The following EIF2AK3 variants were observed in gnomAD, a reference collection of about 807,000 sequenced individuals.
EIF2AK3 encodes the protein eukaryotic translation initiation factor 2-alpha kinase 3.
Under a neutral mutation model 113.5 loss-of-function variants are expected in EIF2AK3, and 50 were observed. The observed-to-expected ratio is 0.44, with a 90% CI of 0.35 to 0.56. EIF2AK3 has a LOEUF of 0.56. Among genes scored for constraint, EIF2AK3 ranks in the 20% least tolerant of loss-of-function variants. The pLI, the probability that EIF2AK3 is intolerant of heterozygous loss-of-function variation, is 0.00. For synonymous variants in EIF2AK3, 448 were observed against 495.4 expected (o/e 0.90, Z 1.27); for missense variants, 1,185 against 1,378.0 (o/e 0.86, Z 2.22).
intron 14 of EIF2AK3, among the ~76,000 whole-genome samples, chr2:88,566,525 T>G (rs1386577028): frequency 1.3e-5 from 2 of 152,188 alleles, no homozygotes; most frequent in Non-Finnish European, 2.9e-5. Context: ...AAACTCTTTT[T>G]TTTTTTAAGT....
chr2:88,627,244 C>G lies in EIF2AK3; in HGVS notation c.31G>C (p.Val11Leu), dbSNP rs1675893901. The G allele has an allele frequency of 2.0e-6, 3 of 1,482,782 alleles. No individual in the cohort carries two copies. The highest frequency in any genetic ancestry group is 2.7e-6 in the Non-Finnish European group (3 of 1,123,046). 91.9% of individuals were successfully genotyped at this position (1,482,782 alleles called of 1,614,324 possible). A position where few individuals can be genotyped will look rare whatever the true frequency, so the allele number is the denominator to read the frequency against. Residue 11 changes from valine to leucine, a missense_variant, in exon 1 of 17, where the codon GTA becomes CTA. By Grantham distance (32) the Val-to-Leu change is conservative. Coordinates refer to ENST00000303236, the MANE Select transcript of EIF2AK3 (RefSeq NM_004836.7). MERAISPGLL[V>L]RALLLLLLLL... Reference sequence around the variant, plus strand: ...AGCAGCAGCAGCAGCAGCGCCCGTACCAGCAGCCCCGGGCTGATGGCGCGC... The same window carrying G: ...AGCAGCAGCAGCAGCAGCGCCCGTAGCAGCAGCCCCGGGCTGATGGCGCGC...
chr2:88,570,442 T>C (rs1386523223), intron 14 of EIF2AK3, among the ~76,000 whole-genome samples: 1 of 152,234 alleles, frequency 6.6e-6, no homozygotes, highest in Non-Finnish European at 1.5e-5. Flanking sequence ...TGCCGGCCTG[T>C]GTGCCTCTAT....
At chr2:88,586,183 CTCT>C in intron 8 of EIF2AK3, 122 bp from the exon 9 acceptor site, 1 of 768,690 alleles carries the variant, frequency 1.3e-6, no homozygotes, top group South Asian at 1.7e-5. Context: ...AGTTTTGTCT[CTCT>C]TCTTTAACGT....
rs1266510901 is a variant in EIF2AK3 at position 88,583,323 on chromosome 2, G to A, written c.1763+107C>T. On this transcript the variant is annotated intron_variant, in intron 10 of 16. Coordinates refer to ENST00000303236, the MANE Select transcript of EIF2AK3 (RefSeq NM_004836.7). ...AATTTATTTATTTATTGAGGGTTAA[G>A]CCTATGTTTTATTTTTCTAGATATC... 3 of 794,780 alleles carry A rather than the reference G, an allele frequency of 3.8e-6. No individual in the cohort carries two copies. The East Asian group carries it at 7.4e-5, about 20-fold the overall frequency. 49.2% of individuals were successfully genotyped at this position (794,780 alleles called of 1,614,324 possible). A position where few individuals can be genotyped will look rare whatever the true frequency, so the allele number is the denominator to read the frequency against.
At chr2:88,589,573 T>G (rs1446415925) in intron 6 of EIF2AK3, among the ~76,000 whole-genome samples, 1 of 151,450 alleles carries the variant, frequency 6.6e-6, no homozygotes, top group South Asian at 2.1e-4. Flanking sequence ...TGGATGCAAA[T>G]ACAAATACAG....
Position 88,599,152 on chromosome 2 carries a change from C to A in EIF2AK3, c.439-3489G>T, listed in dbSNP as rs543487447. On this transcript the variant is annotated intron_variant, in intron 2 of 16. Coordinates refer to ENST00000303236, the MANE Select transcript of EIF2AK3 (RefSeq NM_004836.7). ...GGAGCTCTATAATCAAACTCAAGAC[C>A]ATACCATTAAATGAAGGTTTACCAT... 3.3e-5 allele frequency among the ~76,000 whole-genome samples: 5 copies of A among 152,070 alleles called. No individual in the cohort carries two copies. In the South Asian group the frequency reaches 1.0e-3, roughly 32 times the overall value.
intron 10 of EIF2AK3, chr2:88,579,856 TAA>T (rs1203893589): frequency 7.3e-5 from 35 of 476,904 alleles, no homozygotes; most frequent in Non-Finnish European, 1.5e-5. Context: ...AAATTAAAAA[TAA>T]AAAAGACATG....
intron 4 of EIF2AK3, among the ~76,000 whole-genome samples, chr2:88,591,417 C>CTAA (rs1339514964): frequency 6.6e-6 from 1 of 152,196 alleles, no homozygotes; most frequent in African/African-American, 2.4e-5. Flanking sequence ...TGCCTTACCT[C>CTAA]TTAATTAAAG....
rs893664549 is a variant in EIF2AK3, at chr2:88,627,341, A to G, written c.-67T>C. ...GACGCCTGCCTCTCCCGCCGCTTGG[A>G]GCTCCCAAGAAGGCAAGGACGTGCT... On this transcript the variant is annotated 5_prime_UTR_variant, in exon 1 of 17. Transcript: ENST00000303236. The G allele has an allele frequency of 9.2e-6, 13 of 1,416,732 alleles. No individual in the cohort carries two copies. The highest frequency in any genetic ancestry group is 1.5e-5 in the African/African-American group (1 of 66,946). The allele number at this position is 1,416,732 out of a possible 1,614,324, so 87.8% of individuals were successfully genotyped here.
chr2:88,567,127 A>G (rs747527911), intron 14 of EIF2AK3, among the ~76,000 whole-genome samples: 1 of 152,160 alleles, frequency 6.6e-6, no homozygotes, highest in African/African-American at 2.4e-5. Context: ...GAAAGTAAAT[A>G]TAATTATAAT....
rs761374228 is a variant in EIF2AK3, at chr2:88,579,603, G to A, written c.1801C>T (p.Arg601Cys). The A allele has an allele frequency of 3.1e-6, 5 of 1,613,490 alleles. No homozygotes were observed. Among genetic ancestry groups the A allele is most frequent in the Non-Finnish European group, 4.2e-6 (5 of 1,179,716 alleles). The change falls in exon 11 of 17, where the codon CGT (arginine) becomes TGT (cysteine). Residue 601 changes from arginine (R) to cysteine (C), a missense_variant. Physicochemically the swap from Arg to Cys is radical, Grantham distance 180 (BLOSUM62 -3). This residue lies in a region of EIF2AK3 where 877 missense variants were observed against 1,024.2 expected (regional missense o/e 0.86). Transcript: ENST00000303236. ...TDFEPIQCLGRGGFGVVFEAK... is the reference protein window; with the variant it reads ...TDFEPIQCLGCGGFGVVFEAK... ...TCAAAAACAACTCCAAAGCCACCAC[G>A]TCCCAGGCATTGAATTGGCTCAAAA...
intron 1 of EIF2AK3, among the ~76,000 whole-genome samples, chr2:88,623,193 A>G (rs1236469255): frequency 6.6e-6 from 1 of 152,230 alleles, no homozygotes; most frequent in African/African-American, 2.4e-5. Context: ...AAGTCAGAAG[A>G]CTGGTAATTC....
intron 14 of EIF2AK3, among the ~76,000 whole-genome samples, chr2:88,565,343 CTT>C (rs61470556): frequency 8.0e-5 from 10 of 124,336 alleles, no homozygotes; most frequent in Admixed American, 1.6e-4. Flanking sequence ...GCCAAAAAAA[CTT>C]TTTTTTTTTT....
Position 88,622,177 on chromosome 2 carries a change from G to A in EIF2AK3, c.308+4790C>T, listed in dbSNP as rs564846827. ...CTCCCAAAGTGCTGTGATTACAGGC[G>A]TGAGCCACCACGCCCGGCCCTATGA... On this transcript the variant is annotated intron_variant, in intron 1 of 16. Coordinates refer to ENST00000303236, the MANE Select transcript of EIF2AK3 (RefSeq NM_004836.7). 2.9e-4 allele frequency among the ~76,000 whole-genome samples: 44 copies of A among 152,272 alleles called. No individual in the cohort carries two copies. In the South Asian group the frequency reaches 8.5e-3, roughly 29 times the overall value.
intron 2 of EIF2AK3, among the ~76,000 whole-genome samples, chr2:88,597,957 A>G (rs1015055088): frequency 2.6e-5 from 4 of 152,122 alleles, no homozygotes; most frequent in African/African-American, 9.7e-5. Flanking sequence ...TTCTCCACCA[A>G]AAGGAACCAG....
Position 88,627,450 on chromosome 2 carries a change from C to CTCAGGTGGCAGCGG in EIF2AK3, c.-177_-176insCCGCTGCCACCTGA. 1 of 739,084 alleles carries CTCAGGTGGCAGCGG rather than the reference C, an allele frequency of 1.4e-6. No homozygotes were observed. The highest frequency in any genetic ancestry group is 1.9e-6 in the Non-Finnish European group (1 of 524,130). The allele number at this position is 739,084 out of a possible 1,614,324, so 45.8% of individuals were successfully genotyped here. A position where few individuals can be genotyped will look rare whatever the true frequency, so the allele number is the denominator to read the frequency against. The stretch of plus-strand genomic sequence containing the variant: ...CTCAGCCCGGCCTCTGCCGCTGCCA[C>CTCAGGTGGCAGCGG]CTGAGTGACAGCCTATCTCGGACAT... On this transcript the variant is annotated 5_prime_UTR_variant, in exon 1 of 17. Coordinates refer to ENST00000303236, the MANE Select transcript of EIF2AK3 (RefSeq NM_004836.7).
chr2:88,624,879 C>G (rs1389300051), intron 1 of EIF2AK3: 1 of 152,268 alleles, frequency 6.6e-6, no homozygotes, highest in Non-Finnish European at 1.5e-5. Context: ...AATATCTCAA[C>G]TCTGTCCCCT....
chr2:88,576,404 CA>C (rs1674457671), intron 12 of EIF2AK3, 149 bp downstream of exon 12: 2 of 1,157,536 alleles, frequency 1.7e-6, no homozygotes, highest in Middle Eastern at 2.8e-4. Flanking sequence ...CAAAATTTCA[CA>C]AGTGGCTAGA....
In EIF2AK3 at chr2:88,575,375, A is replaced by G; in HGVS notation, c.2108T>C (p.Phe703Ser). 1 of 1,613,934 alleles carries G rather than the reference A, an allele frequency of 6.2e-7. No individual in the cohort carries two copies. Among genetic ancestry groups the G allele is most frequent in the South Asian group, 1.1e-5 (1 of 91,088 alleles). Residue 703 changes from phenylalanine to serine, a missense_variant, in exon 13 of 17, where the codon TTC (phenylalanine) becomes TCC (serine). Transcript: ENST00000303236. Reference sequence around the variant, plus strand: ...GATTTCAATATGTTCTTTTGTAGCGAAAGGATCCATTCTGCGTATTTTAAC... The same window carrying G: ...GATTTCAATATGTTCTTTTGTAGCGGAAGGATCCATTCTGCGTATTTTAAC... ...PSVKIRRMDP[F>S]ATKEHIEIIA...
Sources: gnomAD v4.1 joint callset for allele counts (sites outside exome capture counted in the v4.1 genomes callset) on GRCh38, gnomAD v4.1.1 for gene constraint, gnomAD v4.1.1 regional missense constraint, MANE v1.5 for transcripts, NCBI Gene and HGNC (gene_info 2026-07-23, HGNC 2026-07-21) for gene names.